Variants in IFNA7 observed in about 807,000 individuals in gnomAD.
IFNA7 encodes interferon alpha 7.
For missense variants in IFNA7, 278 were observed against 216.3 expected (o/e 1.29, Z -1.79); for synonymous variants, 119 against 81.1 (o/e 1.47, Z -2.51).
chr9:21,201,963 C>T lies in IFNA7; in HGVS notation c.203G>A (p.Gly68Asp). 1 of 1,613,350 alleles carries T rather than the reference C, an allele frequency of 6.2e-7. No individual in the cohort carries two copies. The highest frequency in any genetic ancestry group is 1.1e-5 in the South Asian group (1 of 91,040). ...GGCTTGAGTCTTCTGGAACTGGTGG[C>T]CATCAAACTCCTCCTCTGGGAATCT... ...EFRFPEEEFDGHQFQKTQAIS... is the reference protein window; with the variant it reads ...EFRFPEEEFDDHQFQKTQAIS... Residue 68 changes from glycine to aspartate, a missense_variant, in exon 1 of 1, where the codon GGC (glycine) becomes GAC (aspartate). Physicochemically the swap from Gly to Asp is moderately conservative, Grantham distance 94. Coordinates refer to ENST00000239347, the MANE Select transcript of IFNA7 (RefSeq NM_021057.2).
Position 21,202,020 on chromosome 9 carries a change from G to A in IFNA7, c.146C>T (p.Pro49Leu), listed in dbSNP as rs528634788. 2 of 1,613,294 alleles carry A rather than the reference G, an allele frequency of 1.2e-6. No homozygotes were observed. The highest frequency in any genetic ancestry group is 8.5e-7 in the Non-Finnish European group (1 of 1,179,762). ...ILLAQMGRIS[P>L]FSCLKDRHEF... ...ATGTCTGTCCTTCAAGCAGGAGAAA[G>A]GAGAGATTCTTCCCATTTGTGCCAG... The change falls in exon 1 of 1, where the codon CCT (proline) becomes CTT (leucine). Residue 49 changes from proline to leucine, a missense_variant. Coordinates refer to ENST00000239347, the MANE Select transcript of IFNA7 (RefSeq NM_021057.2).
chr9:21,201,844 A>G lies in IFNA7; in HGVS notation c.322T>C (p.Phe108Leu), dbSNP rs775191177. The G allele has an allele frequency of 1.3e-5, 21 of 1,612,622 alleles. No homozygotes were observed. ...AAWEQSLLEK[F>L]STELYQQLND... is the part of the protein sequence containing the mutation. ...AGTTGCTGGTAAAGTTCAGTGGAAA[A>G]TTTTTCTAGGAGGCTCTGTTCCCAA... is the stretch of plus-strand genomic sequence containing the variant. Residue 108 changes from phenylalanine to leucine, a missense_variant, in exon 1 of 1, where the codon TTT (phenylalanine) becomes CTT (leucine). Coordinates refer to ENST00000239347, the MANE Select transcript of IFNA7 (RefSeq NM_021057.2).
rs370800473 is a variant in IFNA7 at position 21,202,203 on chromosome 9, G to A, written c.-38C>T. On this transcript the variant is annotated 5_prime_UTR_variant, in exon 1 of 1. Coordinates refer to ENST00000239347, the MANE Select transcript of IFNA7 (RefSeq NM_021057.2). The stretch of plus-strand genomic sequence containing the variant: ...AATATCACTAGGCTACCTGAGGTGG[G>A]TAACTTGAACCGTGGCCTCTAGGTT... The A allele has an allele frequency of 6.4e-6, 10 of 1,550,568 alleles. No individual in the cohort carries two copies. The highest frequency in any genetic ancestry group is 2.8e-5 in the African/African-American group (2 of 72,498).
In IFNA7 at chr9:21,201,551, A is replaced by G. The variant is rs1437404679; in HGVS notation, c.*45T>C. The G allele has an allele frequency of 1.9e-6, 3 of 1,597,974 alleles. No homozygotes were observed. Among genetic ancestry groups the G allele is most frequent in the Admixed American group, 3.6e-5 (2 of 55,910 alleles). On this transcript the variant is annotated 3_prime_UTR_variant, in exon 1 of 1. Transcript: ENST00000239347. Reference sequence around the variant, plus strand: ...ATGGAAGAACTCATGAAAGTGTGAGATGATGCATTAGTCAATGAGAATCAT... The same window carrying G: ...ATGGAAGAACTCATGAAAGTGTGAGGTGATGCATTAGTCAATGAGAATCAT...
Position 21,202,144 on chromosome 9 carries a change from G to A in IFNA7, c.22C>T (p.Leu8=), listed in dbSNP as rs1345010822. The A allele has an allele frequency of 1.2e-6, 2 of 1,608,718 alleles. No individual in the cohort carries two copies. Among genetic ancestry groups the A allele is most frequent in the South Asian group, 2.2e-5 (2 of 90,380 alleles). ...TAGCTGAGTACCAGCACGACCATCA[G>A]TAAAGAAAAGGACCGGGCCATTGGG... MARSFSL[L]MVVLVLSYKS... Residue 8 remains leucine (L), a synonymous_variant, in exon 1 of 1, where the codon CTG becomes TTG. Coordinates refer to ENST00000239347, the MANE Select transcript of IFNA7 (RefSeq NM_021057.2).
In IFNA7 at chr9:21,202,185, C is replaced by A; in HGVS notation, c.-20G>T. The A allele has an allele frequency of 6.3e-7, 1 of 1,575,836 alleles. No individual in the cohort carries two copies. ...GGCCATTGGGATTTTGCAAATATCACTAGGCTACCTGAGGTGGGTAACTTG... is the reference window on the plus strand; with the variant it reads ...GGCCATTGGGATTTTGCAAATATCAATAGGCTACCTGAGGTGGGTAACTTG... On this transcript the variant is annotated 5_prime_UTR_variant, in exon 1 of 1. Coordinates refer to ENST00000239347, the MANE Select transcript of IFNA7 (RefSeq NM_021057.2).
Position 21,201,992 on chromosome 9 carries a change from T to A in IFNA7, c.174A>T (p.Glu58Asp), listed in dbSNP as rs778495812. 135 of 1,612,488 alleles carry A rather than the reference T, an allele frequency of 8.4e-5. No homozygotes were observed. Among genetic ancestry groups the A allele is most frequent in the Middle Eastern group, 1.7e-4 (1 of 6,060 alleles). ...SPFSCLKDRH[E>D]FRFPEEEFDG... ...CAAACTCCTCCTCTGGGAATCTGAA[T>A]TCATGTCTGTCCTTCAAGCAGGAGA... Residue 58 changes from glutamate (E) to aspartate (D), a missense_variant, in exon 1 of 1, where the codon GAA becomes GAT. Coordinates refer to ENST00000239347, the MANE Select transcript of IFNA7 (RefSeq NM_021057.2).
chr9:21,201,471 A>G lies in IFNA7; in HGVS notation c.*125T>C, dbSNP rs1818153269. Reference sequence around the variant, plus strand: ...ACACGATGCTTCTTAACACTCCTGAAAACATTTGGAAATTTTGATTCAACT... The same window carrying G: ...ACACGATGCTTCTTAACACTCCTGAGAACATTTGGAAATTTTGATTCAACT... On this transcript the variant is annotated 3_prime_UTR_variant, in exon 1 of 1. Coordinates refer to ENST00000239347, the MANE Select transcript of IFNA7 (RefSeq NM_021057.2). The G allele has an allele frequency of 6.8e-7, 1 of 1,467,728 alleles. No individual in the cohort carries two copies. The highest frequency in any genetic ancestry group is 1.4e-5 in the African/African-American group (1 of 70,368). 90.9% of individuals were successfully genotyped at this position (1,467,728 alleles called of 1,614,324 possible).
Position 21,201,832 on chromosome 9 carries a change from G to T in IFNA7, c.334C>A (p.Leu112Ile), listed in dbSNP as rs143268397. ...QSLLEKFSTELYQQLNDLEAC... is the reference protein window; with the variant it reads ...QSLLEKFSTEIYQQLNDLEAC... ...TCCAGGTCATTCAGTTGCTGGTAAA[G>T]TTCAGTGGAAAATTTTTCTAGGAGG... The change falls in exon 1 of 1, where the codon CTT (leucine) becomes ATT (isoleucine). Residue 112 changes from leucine (L) to isoleucine (I), a missense_variant. Transcript: ENST00000239347. 2.2e-3 allele frequency: 3,618 copies of T among 1,613,178 alleles called. 99 individuals are homozygous for T. In the African/African-American group the frequency reaches 0.042, roughly 19 times the overall value.
rs965899793 is a variant in IFNA7, at chr9:21,201,742, C to G, written c.424G>C (p.Ala142Pro). Residue 142 changes from alanine to proline, a missense_variant, in exon 1 of 1, where the codon GCT becomes CCT. Ala to Pro is a conservative substitution (Grantham distance 27). Transcript: ENST00000239347. ...TPLMNEDFIL[A>P]VRKYFQRITL... ...ATTCTTTGGAAGTATTTCCTCACAG[C>G]CAGGATGAAGTCCTCATTCATCAGG... 6.8e-6 allele frequency: 11 copies of G among 1,613,742 alleles called. No homozygotes were observed. Among genetic ancestry groups the G allele is most frequent in the South Asian group, 5.5e-5 (5 of 91,060 alleles).
At position 21,202,043 on chromosome 9, in the gene IFNA7, C is replaced by A. The variant is rs1327416324; in HGVS notation, c.123G>T (p.Leu41=). The change falls in exon 1 of 1, where the codon CTG becomes CTT. Residue 41 remains leucine (L), a synonymous_variant. Coordinates refer to ENST00000239347, the MANE Select transcript of IFNA7 (RefSeq NM_021057.2). The part of the protein sequence containing the change: ...SLRNRRALIL[L]AQMGRISPFS... ...AAGGAGAGATTCTTCCCATTTGTGC[C>A]AGGAGTATCAAGGCCCTCCTATTAC... 1 of 1,613,444 alleles carries A rather than the reference C, an allele frequency of 6.2e-7. No homozygotes were observed. Among genetic ancestry groups the A allele is most frequent in the South Asian group, 1.1e-5 (1 of 91,050 alleles).
rs762621256 is a variant in IFNA7 at position 21,202,149 on chromosome 9, G to C, written c.17C>G (p.Ser6Cys). 1.7e-5 allele frequency: 27 copies of C among 1,606,618 alleles called. No homozygotes were observed. The highest frequency in any genetic ancestry group is 2.5e-6 in the Non-Finnish European group (3 of 1,176,916). MARSF[S>C]LLMVVLVLSY... The stretch of plus-strand genomic sequence containing the variant: ...GAGTACCAGCACGACCATCAGTAAA[G>C]AAAAGGACCGGGCCATTGGGATTTT... Residue 6 changes from serine (S) to cysteine (C), a missense_variant, in exon 1 of 1, where the codon TCT becomes TGT. Transcript: ENST00000239347.
Position 21,201,923 on chromosome 9 carries a change from A to G in IFNA7, c.243T>C (p.His81=), listed in dbSNP as rs755660909. ...FQKTQAISVL[H]EMIQQTFNLF... is the part of the protein sequence containing the mutation. Reference sequence around the variant, plus strand: ...GATTGAAGGTCTGCTGGATCATCTCATGGAGGACAGAGATGGCTTGAGTCT... The same window carrying G: ...GATTGAAGGTCTGCTGGATCATCTCGTGGAGGACAGAGATGGCTTGAGTCT... The change falls in exon 1 of 1, where the codon CAT becomes CAC. Residue 81 remains histidine (H), a synonymous_variant. Transcript: ENST00000239347. 6 of 1,613,392 alleles carry G rather than the reference A, an allele frequency of 3.7e-6. No homozygotes were observed. The highest frequency in any genetic ancestry group is 1.3e-5 in the African/African-American group (1 of 74,674).
In IFNA7 at chr9:21,201,790, C is replaced by T. The variant is rs761065639; in HGVS notation, c.376G>A (p.Glu126Lys). The T allele has an allele frequency of 3.7e-6, 6 of 1,613,496 alleles. No individual in the cohort carries two copies. In the Admixed American group the frequency reaches 6.7e-5, roughly 18 times the overall value. Residue 126 changes from glutamate to lysine, a missense_variant, in exon 1 of 1, where the codon GAG becomes AAG. Physicochemically the swap from Glu to Lys is moderately conservative, Grantham distance 56. Coordinates refer to ENST00000239347, the MANE Select transcript of IFNA7 (RefSeq NM_021057.2). ...AGGGGAGTCTCTTCCACCCCAACCT[C>T]CTGTATCACACATGCTTCCAGGTCA... ...LNDLEACVIQEVGVEETPLMN... is the reference protein window; with the variant it reads ...LNDLEACVIQKVGVEETPLMN...
At position 21,201,497 on chromosome 9, in the gene IFNA7, T is replaced by C. The variant is rs1044169599; in HGVS notation, c.*99A>G. 147 of 1,528,432 alleles carry C rather than the reference T, an allele frequency of 9.6e-5. No homozygotes were observed. The highest frequency in any genetic ancestry group is 1.2e-4 in the Non-Finnish European group (134 of 1,139,834). The allele number at this position is 1,528,432 out of a possible 1,614,324, so 94.7% of individuals were successfully genotyped here. On this transcript the variant is annotated 3_prime_UTR_variant, in exon 1 of 1. Transcript: ENST00000239347. Reference sequence around the variant, plus strand: ...AACATTTGGAAATTTTGATTCAACTTGTGGTGGTTATAGAAGTGAGTCTTT... The same window carrying C: ...AACATTTGGAAATTTTGATTCAACTCGTGGTGGTTATAGAAGTGAGTCTTT...
At position 21,201,989 on chromosome 9, in the gene IFNA7, G is replaced by C; in HGVS notation, c.177C>G (p.Phe59Leu). The change falls in exon 1 of 1, where the codon TTC (phenylalanine) becomes TTG (leucine). Residue 59 changes from phenylalanine to leucine, a missense_variant. By Grantham distance (22) the Phe-to-Leu change is conservative. Transcript: ENST00000239347. ...CATCAAACTCCTCCTCTGGGAATCT[G>C]AATTCATGTCTGTCCTTCAAGCAGG... ...PFSCLKDRHEFRFPEEEFDGH... is the reference protein window; with the variant it reads ...PFSCLKDRHELRFPEEEFDGH... 6.2e-7 allele frequency: 1 copy of C among 1,613,424 alleles called. No homozygotes were observed. Among genetic ancestry groups the C allele is most frequent in the East Asian group, 2.2e-5 (1 of 44,796 alleles).
chr9:21,201,971 C>G lies in IFNA7; in HGVS notation c.195G>C (p.Glu65Asp), dbSNP rs763027062. 1 of 1,613,276 alleles carries G rather than the reference C, an allele frequency of 6.2e-7. No individual in the cohort carries two copies. The highest frequency in any genetic ancestry group is 2.2e-5 in the East Asian group (1 of 44,824). Residue 65 changes from glutamate to aspartate, a missense_variant, in exon 1 of 1, where the codon GAG becomes GAC. Transcript: ENST00000239347. ...TCTTCTGGAACTGGTGGCCATCAAA[C>G]TCCTCCTCTGGGAATCTGAATTCAT... ...DRHEFRFPEE[E>D]FDGHQFQKTQ...
rs749110701 is a variant in IFNA7, at chr9:21,201,609, C to T, written c.557G>A (p.Arg186Lys). 6.2e-7 allele frequency: 1 copy of T among 1,613,282 alleles called. No homozygotes were observed. Among genetic ancestry groups the T allele is most frequent in the African/African-American group, 1.3e-5 (1 of 74,714 alleles). ...SFSTNLKKGL[R>K]RKD ...ATGAACCAGTTTTCAATCCTTCCTCCTTAATCCTTTTTTCAAGTTTGTTGA... is the reference window on the plus strand; with the variant it reads ...ATGAACCAGTTTTCAATCCTTCCTCTTTAATCCTTTTTTCAAGTTTGTTGA... The change falls in exon 1 of 1, where the codon AGG becomes AAG. Residue 186 changes from arginine (R) to lysine (K), a missense_variant. Coordinates refer to ENST00000239347, the MANE Select transcript of IFNA7 (RefSeq NM_021057.2).
the IFNA7 span, chr9:21,202,049 T>TA: frequency 2.5e-6 from 4 of 1,613,072 alleles, no homozygotes; most frequent in Non-Finnish European, 2.5e-6. Flanking sequence ...GTGCCAGGAG[T>TA]ATCAAGGCCC....
Sources: gnomAD v4.1 joint callset for allele counts on GRCh38, gnomAD v4.1.1 for gene constraint, MANE v1.5 for transcripts, NCBI Gene and HGNC (gene_info 2026-07-23, HGNC 2026-07-21) for gene names.